Variants in KIF6 observed in about 807,000 individuals in gnomAD.
The protein encoded by KIF6 is kinesin family member 6, also known as kinesin-like protein KIF6.
KIF6 carries 106 observed loss-of-function variants against 112.7 expected under a neutral mutation model. That is an observed-to-expected ratio of 0.94 (90% CI 0.80 to 1.11). The LOEUF (loss-of-function observed/expected upper bound fraction) is 1.11, where lower values mean the gene tolerates loss of function less well. Among genes scored for constraint, KIF6 ranks in the 50% least tolerant of loss-of-function variants. The probability of loss-of-function intolerance (pLI) is 0.00; values close to 1 mark genes in which losing one functional copy is unlikely to be tolerated. For synonymous variants in KIF6, 339 were observed against 339.9 expected, an observed-to-expected ratio of 1.00 and a Z score of 0.03; for missense variants, 929 against 964.0, an observed-to-expected ratio of 0.96 and a Z score of 0.48.
chr6:39,421,769 C>T (rs557149730), intron 14 of KIF6, among the ~76,000 whole-genome samples: 5 of 152,268 alleles, frequency 3.3e-5, no homozygotes, highest in South Asian at 2.1e-4. Flanking sequence ...CTCTCCTCAG[C>T]GACGGCCTGT....
chr6:39,684,769 G>GT (rs1787757893), intron 3 of KIF6, among the ~76,000 whole-genome samples: 1 of 151,190 alleles, frequency 6.6e-6, no homozygotes, highest in Admixed American at 6.6e-5. Context: ...CAGCCTGGGT[G>GT]TAAGAGTGAA....
intron 10 of KIF6, among the ~76,000 whole-genome samples, chr6:39,560,866 G>A (rs945082975): frequency 8.5e-5 from 13 of 152,186 alleles, no homozygotes; most frequent in African/African-American, 3.1e-4. Context: ...GTCATTGGCT[G>A]AGCATTTTCT....
At chr6:39,648,690 C>T (rs1039260226) in intron 3 of KIF6, among the ~76,000 whole-genome samples, 1 of 152,208 alleles carries the variant, frequency 6.6e-6, no homozygotes, top group Admixed American at 6.5e-5. Flanking sequence ...GACTTGAAAG[C>T]AGGGCTGCAT....
At chr6:39,415,305 A>C (rs1769831213) in intron 15 of KIF6, among the ~76,000 whole-genome samples, 1 of 148,262 alleles carries the variant, frequency 6.7e-6, no homozygotes, top group South Asian at 2.1e-4. Context: ...AAAATGTAAA[A>C]AAAAAAAAAA....
intron 14 of KIF6, among the ~76,000 whole-genome samples, chr6:39,424,627 C>T (rs185388214): frequency 5.3e-5 from 8 of 152,342 alleles, no homozygotes; most frequent in African/African-American, 1.9e-4. Context: ...GACTGGGTCT[C>T]AGGCTCTTCA....
intron 16 of KIF6, among the ~76,000 whole-genome samples, chr6:39,372,715 G>C (rs1367089938): frequency 6.6e-6 from 1 of 152,170 alleles, no homozygotes; most frequent in Admixed American, 6.5e-5. Flanking sequence ...TACGGAATTG[G>C]TAGAAGCATC....
At chr6:39,509,552 G>T (rs1776642439) in intron 13 of KIF6, among the ~76,000 whole-genome samples, 1 of 152,156 alleles carries the variant, frequency 6.6e-6, no homozygotes, top group Admixed American at 6.5e-5. Flanking sequence ...TGATGGAGCT[G>T]AAAACCACAG....
At chr6:39,721,964 A>G (rs1048281622) in intron 1 of KIF6, among the ~76,000 whole-genome samples, 1 of 152,162 alleles carries the variant, frequency 6.6e-6, no homozygotes. Context: ...ATCTCCAGAA[A>G]GTTTGAATAT....
chr6:39,671,233 G>A (rs528574444), intron 3 of KIF6, among the ~76,000 whole-genome samples: 44 of 152,302 alleles, frequency 2.9e-4, no homozygotes, highest in South Asian at 8.3e-4. Context: ...TGTGCTTTAA[G>A]CAGGATGTGA....
chr6:39,603,823 G>C (rs763254503), intron 6 of KIF6, among the ~76,000 whole-genome samples: 16 of 151,570 alleles, frequency 1.1e-4, no homozygotes, highest in Non-Finnish European at 2.4e-4. Flanking sequence ...AATTTTCTAG[G>C]GTACCACTTA....
intron 13 of KIF6, among the ~76,000 whole-genome samples, chr6:39,465,086 C>T (rs4714255): frequency 0.062 from 9,428 of 152,174 alleles, 493 homozygotes; most frequent in East Asian, 0.24. Flanking sequence ...ACCAGATGTC[C>T]GTGCGTTTCT....
intron 5 of KIF6, among the ~76,000 whole-genome samples, chr6:39,615,493 C>A (rs1783469591): frequency 6.7e-6 from 1 of 149,886 alleles, no homozygotes; most frequent in African/African-American, 2.5e-5. Flanking sequence ...CCCCCACCCA[C>A]CCCACTCTCC....
chr6:39,716,827 G>A (rs901163978), intron 2 of KIF6, among the ~76,000 whole-genome samples: 1 of 152,102 alleles, frequency 6.6e-6, no homozygotes. Context: ...TGCACTTCCT[G>A]TGCTCTTCCT....
At chr6:39,384,359 C>A (rs1767225262) in intron 16 of KIF6, among the ~76,000 whole-genome samples, 1 of 152,166 alleles carries the variant, frequency 6.6e-6, no homozygotes, top group Non-Finnish European at 1.5e-5. Flanking sequence ...CCTTCCCAAG[C>A]CTGGCCCAAG....
At chr6:39,515,641 C>T (rs539923968) in intron 13 of KIF6, among the ~76,000 whole-genome samples, 6 of 152,288 alleles carry the variant, frequency 3.9e-5, no homozygotes, top group Admixed American at 6.5e-5. Context: ...ACCCGGAATA[C>T]GACTAACATG....
chr6:39,577,188 G>C (rs1171182946), intron 10 of KIF6, among the ~76,000 whole-genome samples: 1 of 152,232 alleles, frequency 6.6e-6, no homozygotes, highest in Non-Finnish European at 1.5e-5. Context: ...CCGTAGGAGT[G>C]AAAGCTTTGA....
At chr6:39,535,779 C>T (rs1778383315) in intron 13 of KIF6, among the ~76,000 whole-genome samples, 1 of 152,054 alleles carries the variant, frequency 6.6e-6, no homozygotes, top group South Asian at 2.1e-4. Flanking sequence ...AGCACCACAC[C>T]ACACCTATTC....
chr6:39,555,566 T>C (rs543351822), intron 10 of KIF6, among the ~76,000 whole-genome samples: 22 of 152,244 alleles, frequency 1.4e-4, no homozygotes, highest in African/African-American at 5.1e-4. Flanking sequence ...TCCCTGAGGA[T>C]TGGCCTAACC....
intron 3 of KIF6, among the ~76,000 whole-genome samples, chr6:39,644,050 T>C (rs1411669175): frequency 6.6e-6 from 1 of 151,904 alleles, no homozygotes; most frequent in African/African-American, 2.4e-5. Flanking sequence ...TAAAAAGAAA[T>C]GCAAATGGCC....
Sources: allele counts gnomAD v4.1 joint callset (sites outside exome capture counted in the v4.1 genomes callset), GRCh38; gene constraint gnomAD v4.1.1; transcripts MANE v1.5; gene names NCBI Gene and HGNC (gene_info 2026-07-23, HGNC 2026-07-21).